SNTG1: variants seen among roughly 807,000 people sequenced by gnomAD.
SNTG1 encodes the protein gamma-1-syntrophin.
Under a neutral mutation model 74.7 loss-of-function variants are expected in SNTG1, and 39 were observed. That is an observed-to-expected ratio of 0.52 (90% CI 0.40 to 0.68). The LOEUF (loss-of-function observed/expected upper bound fraction) is 0.68, where lower values mean the gene tolerates loss of function less well. SNTG1 is among the 30% of genes least tolerant of loss of function. The pLI is 0.00. For missense variants in SNTG1, 685 were observed against 609.5 expected, an observed-to-expected ratio of 1.12 and a Z score of -1.30; for synonymous variants, 254 against 217.1, an observed-to-expected ratio of 1.17 and a Z score of -1.49.
chr8:49,938,886 T>C (rs991551520), intron 1 of SNTG1, among the ~76,000 whole-genome samples: 5 of 151,938 alleles, frequency 3.3e-5, no homozygotes, highest in Non-Finnish European at 4.4e-5. Flanking sequence ...TCTCACCATG[T>C]TGTTTCTGAA....
At chr8:50,587,434 T>C (rs2094657653) in intron 12 of SNTG1, among the ~76,000 whole-genome samples, 1 of 152,174 alleles carries the variant, frequency 6.6e-6, no homozygotes. Context: ...GCATAATAAA[T>C]ACTTCAGTGT....
chr8:50,103,127 T>C (rs930696501), intron 1 of SNTG1, among the ~76,000 whole-genome samples: 2 of 152,338 alleles, frequency 1.3e-5, no homozygotes, highest in East Asian at 1.9e-4. Context: ...GGGGATGGCA[T>C]TGAATCTATA....
intron 13 of SNTG1, among the ~76,000 whole-genome samples, chr8:50,595,447 C>T (rs2094720946): frequency 6.6e-6 from 1 of 151,864 alleles, no homozygotes; most frequent in Non-Finnish European, 1.5e-5. Flanking sequence ...GAGCCCACAC[C>T]TAATTATGTA....
At chr8:50,167,830 G>C (rs1030200369) in intron 1 of SNTG1, among the ~76,000 whole-genome samples, 1 of 149,236 alleles carries the variant, frequency 6.7e-6, no homozygotes. Context: ...AAAAAAAAAG[G>C]TAAAGAAAAA....
chr8:50,194,440 C>G (rs1448215792), intron 2 of SNTG1, among the ~76,000 whole-genome samples: 1 of 151,988 alleles, frequency 6.6e-6, no homozygotes, highest in Non-Finnish European at 1.5e-5. Flanking sequence ...TCTAGATTTT[C>G]TAGTTTATGT....
intron 15 of SNTG1, among the ~76,000 whole-genome samples, chr8:50,689,775 G>T (rs2095369316): frequency 6.6e-6 from 1 of 152,154 alleles, no homozygotes; most frequent in Non-Finnish European, 1.5e-5. Context: ...AATGAGTTAG[G>T]GAGGATTCCC....
chr8:50,371,076 G>A (rs1408401526), intron 2 of SNTG1, among the ~76,000 whole-genome samples: 1 of 152,122 alleles, frequency 6.6e-6, no homozygotes, highest in Non-Finnish European at 1.5e-5. Context: ...GCTTCTATAG[G>A]TGAACCACAG....
At chr8:50,426,594 C>T (rs1256811436) in intron 4 of SNTG1, among the ~76,000 whole-genome samples, 1 of 151,640 alleles carries the variant, frequency 6.6e-6, no homozygotes, top group Non-Finnish European at 1.5e-5. Flanking sequence ...AAACTTTTTA[C>T]TTTATAAGTA....
intron 2 of SNTG1, among the ~76,000 whole-genome samples, chr8:50,183,379 G>T (rs2083275432): frequency 6.6e-6 from 1 of 152,074 alleles, no homozygotes; most frequent in African/African-American, 2.4e-5. Flanking sequence ...TAAACTGTAT[G>T]ATTGCCTGTG....
intron 2 of SNTG1, among the ~76,000 whole-genome samples, chr8:50,388,218 T>C (rs2092604390): frequency 6.6e-6 from 1 of 152,176 alleles, no homozygotes; most frequent in African/African-American, 2.4e-5. Context: ...CCTTTTTCTC[T>C]CTACTTTCTA....
At chr8:50,672,118 A>G (rs1055556025) in intron 15 of SNTG1, among the ~76,000 whole-genome samples, 13 of 150,038 alleles carry the variant, frequency 8.7e-5, no homozygotes, top group African/African-American at 3.3e-4. Context: ...TGGGTGCAGC[A>G]CAGCAGCATG....
At chr8:50,168,445 A>G (rs7014376) in intron 1 of SNTG1, among the ~76,000 whole-genome samples, 173 of 152,298 alleles carry the variant, frequency 1.1e-3, no homozygotes, top group African/African-American at 3.7e-3. Flanking sequence ...AGATATGCAC[A>G]CACAAACACA....
chr8:50,657,322 G>A (rs1197993100), intron 14 of SNTG1, among the ~76,000 whole-genome samples: 1 of 151,944 alleles, frequency 6.6e-6, no homozygotes, highest in East Asian at 1.9e-4. Context: ...GAGATTTTAA[G>A]AAACATTTTC....
At chr8:50,165,607 G>GAC (rs2082585116) in intron 1 of SNTG1, among the ~76,000 whole-genome samples, 8 of 152,096 alleles carry the variant, frequency 5.3e-5, no homozygotes, top group Admixed American at 2.0e-4. Context: ...ACCATGTTCT[G>GAC]CATATTATCT....
chr8:50,444,868 T>C (rs750950622), intron 5 of SNTG1, among the ~76,000 whole-genome samples: 7 of 152,112 alleles, frequency 4.6e-5, no homozygotes, highest in African/African-American at 7.2e-5. Flanking sequence ...CAAAGACCAT[T>C]ACATTTTTTT....
At chr8:49,977,335 C>CT (rs1315768172) in intron 1 of SNTG1, among the ~76,000 whole-genome samples, 5 of 151,914 alleles carry the variant, frequency 3.3e-5, no homozygotes, top group African/African-American at 9.7e-5. Flanking sequence ...AGGGACTGTG[C>CT]TTTTTTTCAT....
chr8:50,481,702 C>T (rs1194940739), intron 8 of SNTG1, among the ~76,000 whole-genome samples: 1 of 152,146 alleles, frequency 6.6e-6, no homozygotes, highest in Non-Finnish European at 1.5e-5. Context: ...TACTTTTCCT[C>T]ATCAATAATT....
intron 4 of SNTG1, among the ~76,000 whole-genome samples, chr8:50,422,630 G>T (rs1299522149): frequency 1.3e-5 from 2 of 151,960 alleles, no homozygotes; most frequent in African/African-American, 2.4e-5. Flanking sequence ...GGGAAGGGGT[G>T]AGGTTGATCA....
intron 2 of SNTG1, among the ~76,000 whole-genome samples, chr8:50,286,370 T>C (rs777740722): frequency 8.5e-5 from 13 of 152,228 alleles, no homozygotes; most frequent in Non-Finnish European, 1.8e-4. Flanking sequence ...GTGTTTTCTT[T>C]GCCTGAAGTC....
Sources: gnomAD v4.1 joint callset for allele counts (sites outside exome capture counted in the v4.1 genomes callset) on GRCh38, gnomAD v4.1.1 for gene constraint, MANE v1.5 for transcripts, NCBI Gene and HGNC (gene_info 2026-07-23, HGNC 2026-07-21) for gene names.